Variants in ARF3 observed in about 807,000 individuals in gnomAD.
ARF3 encodes ADP-ribosylation factor 3.
A neutral mutation model predicts 19.3 loss-of-function variants in ARF3; 5 were observed. The ratio of observed to expected loss-of-function variants is 0.26; its 90% CI spans 0.14 to 0.54. The LOEUF is 0.54. ARF3 is among the 20% of genes least tolerant of loss of function. The pLI, the probability that ARF3 is intolerant of heterozygous loss-of-function variation, is 0.95. For missense variants in ARF3, 77 were observed against 234.2 expected (o/e 0.33, Z 4.38); for synonymous variants, 71 against 89.2 (o/e 0.80, Z 1.15).
At chr12:48,945,925 C>T (rs1940350663) in intron 1 of ARF3, among the ~76,000 whole-genome samples, 1 of 152,144 alleles carries the variant, frequency 6.6e-6, no homozygotes, top group African/African-American at 2.4e-5. Context: ...GCCTCAGCCT[C>T]CCGAGTAGCT....
rs369105591 is a variant in ARF3 at position 48,943,790 on chromosome 12, C to T, written c.-93-2602G>A. 2.6e-4 allele frequency among the ~76,000 whole-genome samples: 40 copies of T among 152,312 alleles called. No homozygotes were observed. The South Asian group carries it at 7.7e-3, about 29-fold the overall frequency. On this transcript the variant is annotated intron_variant, in intron 1 of 4. Coordinates refer to ENST00000256682, the MANE Select transcript of ARF3 (RefSeq NM_001659.3). ...AGCCACTAATGAGCCAGGCGTGGCACTCTCAGTAGGTTCCCCAGATGAGCC... is the reference window on the plus strand; with the variant it reads ...AGCCACTAATGAGCCAGGCGTGGCATTCTCAGTAGGTTCCCCAGATGAGCC...
chr12:48,937,988 T>G lies in ARF3; in HGVS notation c.*959A>C, dbSNP rs1940177800. The G allele has an allele frequency of 5.9e-6, 1 of 168,768 alleles. No individual in the cohort carries two copies. Among genetic ancestry groups the G allele is most frequent in the Admixed American group, 5.9e-5 (1 of 17,050 alleles). 10.5% of individuals were successfully genotyped at this position (168,768 alleles called of 1,614,324 possible). On this transcript the variant is annotated 3_prime_UTR_variant, in exon 5 of 5. Coordinates refer to ENST00000256682, the MANE Select transcript of ARF3 (RefSeq NM_001659.3). ...CCCTTCCCCCAATGCCCTGGGTCCC[T>G]AACACACACCATGGACTTGCCATCC...
chr12:48,949,362 A>T (rs1592242881), intron 1 of ARF3, among the ~76,000 whole-genome samples: 1 of 151,988 alleles, frequency 6.6e-6, no homozygotes, highest in East Asian at 1.9e-4. Flanking sequence ...AGTAGCTGGG[A>T]CTACAGGCGC....
At chr12:48,953,288 G>A (rs551004810) in intron 1 of ARF3, 1 of 152,176 alleles carries the variant, frequency 6.6e-6, no homozygotes, top group Non-Finnish European at 1.5e-5. Context: ...CTTGAAGAGA[G>A]GAGAGATCAT....
At chr12:48,946,723 T>TCCC (rs1565708828) in intron 1 of ARF3, among the ~76,000 whole-genome samples, 1 of 152,066 alleles carries the variant, frequency 6.6e-6, no homozygotes, top group African/African-American at 2.4e-5. Flanking sequence ...TCCCACCTCA[T>TCCC]CCCCCCAGGA....
chr12:48,951,148 G>GAGTGCAA (rs1940460671), intron 1 of ARF3, among the ~76,000 whole-genome samples: 2 of 152,216 alleles, frequency 1.3e-5, no homozygotes, highest in African/African-American at 4.8e-5. Context: ...CAGCGTTTTA[G>GAGTGCAA]ACACGTGTGT....
chr12:48,953,915 T>A (rs773359783), intron 1 of ARF3, among the ~76,000 whole-genome samples: 4 of 152,216 alleles, frequency 2.6e-5, no homozygotes, highest in African/African-American at 9.7e-5. Flanking sequence ...TCTACAGATA[T>A]CACAATTTCT....
At chr12:48,957,220 CGGGGCCCGGGA>C (rs1351353360) in intron 1 of ARF3, 79 bp downstream of exon 1, 2 of 152,292 alleles carry the variant, frequency 1.3e-5, no homozygotes, top group Non-Finnish European at 2.9e-5. Flanking sequence ...CAGTGCCGGG[CGGGGCCCGGGA>C]GGCGCTCTAT....
Position 48,939,553 on chromosome 12 carries a change from G to A in ARF3, c.384+102C>T, listed in dbSNP as rs1411948643. The A allele has an allele frequency of 3.3e-6, 5 of 1,507,800 alleles. No homozygotes were observed. In the East Asian group the frequency reaches 9.1e-5, roughly 27 times the overall value. The allele number at this position is 1,507,800 out of a possible 1,614,324, so 93.4% of individuals were successfully genotyped here. ...CTCAGTTTCCCACGCTTCTAACATT[G>A]AGAGCATACTAAAAGGGTTAACCAT... is the stretch of plus-strand genomic sequence containing the variant. On this transcript the variant is annotated intron_variant, in intron 4 of 4. Coordinates refer to ENST00000256682, the MANE Select transcript of ARF3 (RefSeq NM_001659.3). This position sits in a 1 kb window ranked among gnomAD's most constrained non-coding sequence, Gnocchi z 4.8.
intron 1 of ARF3, among the ~76,000 whole-genome samples, chr12:48,953,561 T>C (rs575679918): frequency 6.6e-6 from 1 of 152,266 alleles, no homozygotes; most frequent in East Asian, 1.9e-4. Flanking sequence ...CTTTCAGCAG[T>C]AATGGGAGAA....
rs1280664328 is a variant in ARF3 at position 48,938,428 on chromosome 12, C to T, written c.*519G>A. On this transcript the variant is annotated 3_prime_UTR_variant, in exon 5 of 5. Transcript: ENST00000256682. ...CCCTGAGCTTCACTCCACCCCCTCC[C>T]CGCTCCCCCCGGCCCCCACAAATAT... 4.4e-6 allele frequency: 2 copies of T among 454,202 alleles called. No individual in the cohort carries two copies. Among genetic ancestry groups the T allele is most frequent in the Admixed American group, 4.7e-5 (2 of 42,562 alleles). 28.1% of individuals were successfully genotyped at this position (454,202 alleles called of 1,614,324 possible).
chr12:48,935,926 T>G lies in ARF3; in HGVS notation c.*3021A>C, dbSNP rs1339504773. 1 of 152,194 alleles carries G rather than the reference T, an allele frequency of 6.6e-6. No homozygotes were observed. The highest frequency in any genetic ancestry group is 1.5e-5 in the Non-Finnish European group (1 of 68,034). The allele number at this position is 152,194 out of a possible 1,614,324, so 9.4% of individuals were successfully genotyped here. Reference sequence around the variant, plus strand: ...GTGAGAAATACAGCTGATTTCAGGTTTAAACCCTTTAGAACTAGAGGAGGA... The same window carrying G: ...GTGAGAAATACAGCTGATTTCAGGTGTAAACCCTTTAGAACTAGAGGAGGA... On this transcript the variant is annotated 3_prime_UTR_variant, in exon 5 of 5. Transcript: ENST00000256682.
intron 1 of ARF3, among the ~76,000 whole-genome samples, chr12:48,944,676 G>A (rs1218906960): frequency 6.6e-6 from 1 of 152,142 alleles, no homozygotes; most frequent in Non-Finnish European, 1.5e-5. Flanking sequence ...AGTAGGATTT[G>A]GTATCTCTGT....
chr12:48,951,428 G>A (rs1003445474), intron 1 of ARF3, among the ~76,000 whole-genome samples: 1 of 151,252 alleles, frequency 6.6e-6, no homozygotes, highest in Non-Finnish European at 1.5e-5. Flanking sequence ...GGCATGGTGG[G>A]GCATTCCTGT....
chr12:48,942,016 T>C (rs1940267497), intron 1 of ARF3, among the ~76,000 whole-genome samples: 1 of 152,088 alleles, frequency 6.6e-6, no homozygotes, highest in African/African-American at 2.4e-5. Context: ...CGGCCTATTC[T>C]CCATATAGCA....
At chr12:48,954,999 A>C (rs572675159) in intron 1 of ARF3, among the ~76,000 whole-genome samples, 11 of 152,302 alleles carry the variant, frequency 7.2e-5, no homozygotes, top group African/African-American at 2.2e-4. Context: ...TGGGTGGATA[A>C]AAATAAAGGT....
chr12:48,950,295 G>C (rs765400616), intron 1 of ARF3, among the ~76,000 whole-genome samples: 1 of 150,568 alleles, frequency 6.6e-6, no homozygotes, highest in Non-Finnish European at 1.5e-5. Context: ...TCCCAGGCTC[G>C]AGCAATCCTC....
At chr12:48,942,648 T>A (rs1940282376) in intron 1 of ARF3, among the ~76,000 whole-genome samples, 1 of 152,240 alleles carries the variant, frequency 6.6e-6, no homozygotes, top group Admixed American at 6.5e-5. Flanking sequence ...CTGCCTAAGA[T>A]ATCAGCTCCT....
At chr12:48,950,231 T>C (rs576848750) in intron 1 of ARF3, among the ~76,000 whole-genome samples, 6 of 152,244 alleles carry the variant, frequency 3.9e-5, no homozygotes, top group African/African-American at 1.4e-4. Flanking sequence ...GGTCTTGCTC[T>C]GTCACCCAAG....
Sources: allele counts gnomAD v4.1 joint callset (sites outside exome capture counted in the v4.1 genomes callset), GRCh38; gene constraint gnomAD v4.1.1; non-coding constraint Gnocchi (gnomAD v3.1); transcripts MANE v1.5; gene names NCBI Gene and HGNC (gene_info 2026-07-23, HGNC 2026-07-21).